The following SSPN variants were observed in gnomAD, a reference collection of about 807,000 sequenced individuals.
The protein encoded by SSPN is K-ras oncogene-associated protein.
A neutral mutation model predicts 19.1 loss-of-function variants in SSPN; 15 were observed. That is an observed-to-expected ratio of 0.78 (90% CI 0.52 to 1.21). The LOEUF is 1.21. SSPN is among the 50% of genes most tolerant of loss of function. The probability of loss-of-function intolerance (pLI) is 0.00; values close to 1 mark genes in which losing one functional copy is unlikely to be tolerated. For synonymous variants in SSPN, 147 were observed against 140.3 expected (o/e 1.05, Z -0.34); for missense variants, 291 against 314.0 (o/e 0.93, Z 0.55).
chr12:26,174,810 C>T (rs893917249), intron 1 of SSPN, among the ~76,000 whole-genome samples: 14 of 152,126 alleles, frequency 9.2e-5, no homozygotes, highest in Admixed American at 1.3e-4. Flanking sequence ...CGTGAGCCAC[C>T]GTGCCCGGCC....
At chr12:26,222,288 G>A (rs1945129734) in intron 1 of SSPN, among the ~76,000 whole-genome samples, 2 of 152,176 alleles carry the variant, frequency 1.3e-5, no homozygotes, top group African/African-American at 4.8e-5. Context: ...TTGACTTCAT[G>A]GTCCAGTAGA....
In SSPN at chr12:26,195,860, T is replaced by C; in HGVS notation, c.188T>C (p.Leu63Pro). 6.4e-7 allele frequency: 1 copy of C among 1,561,286 alleles called. No individual in the cohort carries two copies. The highest frequency in any genetic ancestry group is 1.2e-5 in the South Asian group (1 of 83,652). ...CTGCTCGCCCTGCTGCAGCTGGCCC[T>C]GGGCATCGCCGTGACCGTGGTGGGC... ...PLLLALLQLALGIAVTVVGFL... is the reference protein window; with the variant it reads ...PLLLALLQLAPGIAVTVVGFL... The change falls in exon 1 of 3, where the codon CTG (leucine) becomes CCG (proline). Residue 63 changes from leucine to proline, a missense_variant. Coordinates refer to ENST00000242729, the MANE Select transcript of SSPN (RefSeq NM_005086.5).
chr12:26,172,410 C>T (rs1944658621), intron 1 of SSPN, among the ~76,000 whole-genome samples: 1 of 152,204 alleles, frequency 6.6e-6, no homozygotes, highest in African/African-American at 2.4e-5. Context: ...TAGTTACCAT[C>T]ACAACTCTGC....
intron 1 of SSPN, among the ~76,000 whole-genome samples, chr12:26,165,499 A>T (rs550699786): frequency 8.5e-5 from 13 of 152,366 alleles, no homozygotes; most frequent in African/African-American, 3.1e-4. Flanking sequence ...ATACAATTTA[A>T]TACATTGAAG....
chr12:26,204,853 A>G (rs368042604), intron 1 of SSPN, among the ~76,000 whole-genome samples: 7 of 152,350 alleles, frequency 4.6e-5, no homozygotes, highest in African/African-American at 7.2e-5. Context: ...GCAGCCTTTC[A>G]TAACAATTGG....
intron 1 of SSPN, among the ~76,000 whole-genome samples, chr12:26,155,608 C>T (rs73084732): frequency 0.055 from 8,343 of 151,816 alleles, 322 homozygotes; most frequent in Non-Finnish European, 0.082. Context: ...AGTAATTTGG[C>T]GGAAAGAGGA....
chr12:26,122,759 G>T, intron 1 of SSPN: 2 of 1,595,288 alleles, frequency 1.3e-6, no homozygotes, highest in African/African-American at 1.4e-5. Context: ...TGCCTTTCTC[G>T]CGGTCCGGCC....
At chr12:26,122,099 T>G in exon 1 of SSPN, 2 of 1,549,734 alleles carry the variant, frequency 1.3e-6, no homozygotes, top group Non-Finnish European at 1.7e-6. Context: ...GCGAGGGATC[T>G]TCCTGAGCAG....
intron 1 of SSPN, among the ~76,000 whole-genome samples, chr12:26,131,402 C>T (rs140999730): frequency 5.9e-5 from 9 of 152,318 alleles, no homozygotes; most frequent in African/African-American, 2.2e-4. Flanking sequence ...GCAGACCTGT[C>T]CTGTGGTTGT....
chr12:26,171,620 C>T (rs1308962203), intron 1 of SSPN, among the ~76,000 whole-genome samples: 1 of 99,668 alleles, frequency 1.0e-5, no homozygotes, highest in Non-Finnish European at 1.9e-5. Flanking sequence ...CCCCTGTTTT[C>T]CCTATTTTTT....
intron 1 of SSPN, among the ~76,000 whole-genome samples, chr12:26,183,209 C>A (rs745485982): frequency 6.6e-6 from 1 of 152,118 alleles, no homozygotes; most frequent in South Asian, 2.1e-4. Flanking sequence ...GAATAAGAAC[C>A]GCATTTATGA....
upstream of SSPN, among the ~76,000 whole-genome samples, chr12:26,191,421 C>A (rs933781620): frequency 1.3e-5 from 2 of 151,942 alleles, no homozygotes; most frequent in African/African-American, 4.8e-5. Flanking sequence ...AGGTTTGAGT[C>A]CAGCCTGTGC....
At chr12:26,203,639 A>G (rs1469851172) in intron 1 of SSPN, among the ~76,000 whole-genome samples, 2 of 152,234 alleles carry the variant, frequency 1.3e-5, no homozygotes, top group Non-Finnish European at 2.9e-5. Context: ...TTTAAAATTC[A>G]TATGTGTACA....
chr12:26,188,331 G>T (rs1366099570), intron 1 of SSPN, among the ~76,000 whole-genome samples: 1 of 152,184 alleles, frequency 6.6e-6, no homozygotes, highest in Non-Finnish European at 1.5e-5. Context: ...TGTCTTTAAA[G>T]GTGGTGATGA....
chr12:26,230,890 G>A lies in SSPN; in HGVS notation c.546G>A (p.Thr182=), dbSNP rs367829559. The change falls in exon 3 of 3, where the codon ACG becomes ACA. Residue 182 remains threonine (T), a synonymous_variant. Transcript: ENST00000242729. ...LSRTFVYRDV[T]DCTSVTGTFK... ...GGACCTTTGTTTACCGGGATGTGAC[G>A]GACTGTACCAGCGTCACTGGCACTT... 36 of 1,614,026 alleles carry A rather than the reference G, an allele frequency of 2.2e-5. No individual in the cohort carries two copies. The highest frequency in any genetic ancestry group is 3.3e-5 in the South Asian group (3 of 91,080).
intron 1 of SSPN, chr12:26,126,297 C>T (rs1021892004): frequency 1.3e-5 from 2 of 152,364 alleles, no homozygotes; most frequent in African/African-American, 4.8e-5. Flanking sequence ...TCCTGAGGGA[C>T]TCCCAGGGGT....
intron 1 of SSPN, among the ~76,000 whole-genome samples, chr12:26,201,584 T>C (rs776427495): frequency 1.3e-5 from 2 of 151,494 alleles, no homozygotes; most frequent in African/African-American, 2.4e-5. Context: ...AATGAGGAAA[T>C]TGTCCCTAAA....
At chr12:26,148,827 T>C (rs1302212567) in intron 1 of SSPN, among the ~76,000 whole-genome samples, 1 of 152,188 alleles carries the variant, frequency 6.6e-6, no homozygotes, top group African/African-American at 2.4e-5. Context: ...AAATGCTGCA[T>C]CTGACCCATC....
intron 1 of SSPN, among the ~76,000 whole-genome samples, chr12:26,134,428 CAT>C (rs1446328768): frequency 6.6e-6 from 1 of 152,200 alleles, no homozygotes; most frequent in Non-Finnish European, 1.5e-5. Flanking sequence ...CTGAAAGACT[CAT>C]ATGACTTTTC....
Sources: allele counts gnomAD v4.1 joint callset (sites outside exome capture counted in the v4.1 genomes callset), GRCh38; gene constraint gnomAD v4.1.1; transcripts MANE v1.5; gene names NCBI Gene and HGNC (gene_info 2026-07-23, HGNC 2026-07-21).